Variants in LAMA2 observed in about 807,000 individuals in gnomAD.
The protein encoded by LAMA2 is laminin subunit alpha 2.
In LAMA2, 269 loss-of-function variants were observed where a neutral mutation model predicts 364.8. The ratio of observed to expected loss-of-function variants is 0.74; its 90% CI spans 0.67 to 0.82. LAMA2 has a LOEUF of 0.82. LAMA2 is among the 40% of genes least tolerant of loss of function. The pLI is 0.00. For synonymous variants in LAMA2, 1,379 were observed against 1,370.6 expected, an observed-to-expected ratio of 1.01 and a Z score of -0.14; for missense variants, 3,807 against 3,873.2, an observed-to-expected ratio of 0.98 and a Z score of 0.45.
In LAMA2 at chr6:129,370,003, A is replaced by T. The variant is rs1411824831; in HGVS notation, c.4959+13A>T. ...GCTGCTGACCAGGGTAAGGTGGCAA[A>T]ATTATGAATCTTCTGAAAGCAGATA... On this transcript the variant is annotated intron_variant, in intron 34 of 64. Coordinates refer to ENST00000421865, the MANE Select transcript of LAMA2 (RefSeq NM_000426.4). 6.2e-7 allele frequency: 1 copy of T among 1,604,784 alleles called. No homozygotes were observed. The highest frequency in any genetic ancestry group is 1.1e-5 in the South Asian group (1 of 90,870).
At chr6:128,883,723 C>A (rs1775962335) in intron 1 of LAMA2, among the ~76,000 whole-genome samples, 1 of 151,558 alleles carries the variant, frequency 6.6e-6, no homozygotes, top group Non-Finnish European at 1.5e-5. Flanking sequence ...CAGAGAAAGG[C>A]TTCCCAAGCT....
rs143906156 is a variant in LAMA2, at chr6:129,388,130, C to T, written c.5072-3361C>T. On this transcript the variant is annotated intron_variant, in intron 35 of 64. Coordinates refer to ENST00000421865, the MANE Select transcript of LAMA2 (RefSeq NM_000426.4). ...AAAATCAGCTGGGCACGGTGGCATGCGCTATAATTCCAGCTACTCGGGAGG... is the reference window on the plus strand; with the variant it reads ...AAAATCAGCTGGGCACGGTGGCATGTGCTATAATTCCAGCTACTCGGGAGG... 2.9e-3 allele frequency among the ~76,000 whole-genome samples: 436 copies of T among 151,856 alleles called. 3 individuals are homozygous for T. The highest frequency in any genetic ancestry group is 0.01 in the African/African-American group (424 of 41,450).
At chr6:129,230,028 A>T (rs1275774169) in intron 12 of LAMA2, among the ~76,000 whole-genome samples, 1 of 152,194 alleles carries the variant, frequency 6.6e-6, no homozygotes, top group Non-Finnish European at 1.5e-5. Flanking sequence ...TCATCAATCC[A>T]TATGTCATTT....
At chr6:128,986,368 G>A (rs9482967) in intron 1 of LAMA2, among the ~76,000 whole-genome samples, 43,169 of 151,904 alleles carry the variant, frequency 0.28, 6,601 homozygotes, top group African/African-American at 0.38. Flanking sequence ...ACCACAGGTC[G>A]GTAGGGCTGT....
chr6:129,446,662 T>G (rs1782403774), intron 45 of LAMA2, among the ~76,000 whole-genome samples: 1 of 151,830 alleles, frequency 6.6e-6, no homozygotes, highest in African/African-American at 2.4e-5. Flanking sequence ...TACCTCAGTT[T>G]TCCATGTCAA....
intron 4 of LAMA2, among the ~76,000 whole-genome samples, chr6:129,140,025 A>G (rs933836440): frequency 1.3e-5 from 2 of 152,154 alleles, no homozygotes; most frequent in Admixed American, 6.5e-5. Flanking sequence ...CCATCCATCC[A>G]TTCACTCAAG....
At chr6:129,330,592 G>GTTTTTTTTTTTTT (rs1406358715) in intron 29 of LAMA2, among the ~76,000 whole-genome samples, 2 of 78,528 alleles carry the variant, frequency 2.5e-5, no homozygotes, top group Non-Finnish European at 4.8e-5. Context: ...TTGTTGTTTG[G>GTTTTTTTTTTTTT]TTTTTGTTTT....
At chr6:128,929,035 A>G (rs1215636951) in intron 1 of LAMA2, 36 of 1,428,166 alleles carry the variant, frequency 2.5e-5, no homozygotes, top group Admixed American at 6.7e-5. Flanking sequence ...TCAAGAAGCC[A>G]ATGGTATCCT....
rs1455597896 is a variant in LAMA2 at position 129,300,680 on chromosome 6, G to T, written c.3038-56G>T. On this transcript the variant is annotated intron_variant, in intron 21 of 64. Coordinates refer to ENST00000421865, the MANE Select transcript of LAMA2 (RefSeq NM_000426.4). ...AACACAATATAAAACTCAACACTTT[G>T]TGTCAAATTTTTACTATTTTTCCCC... The T allele has an allele frequency of 8.9e-6, 14 of 1,573,740 alleles. No individual in the cohort carries two copies. In the South Asian group the frequency reaches 1.0e-4, roughly 11 times the overall value.
chr6:129,348,675 C>T (rs983239729), intron 30 of LAMA2, among the ~76,000 whole-genome samples: 1 of 151,854 alleles, frequency 6.6e-6, no homozygotes, highest in Non-Finnish European at 1.5e-5. Flanking sequence ...TAGAAAATAC[C>T]ATAAAATAGT....
At chr6:129,204,516 G>A (rs933006750) in intron 12 of LAMA2, among the ~76,000 whole-genome samples, 4 of 150,446 alleles carry the variant, frequency 2.7e-5, no homozygotes, top group South Asian at 2.1e-4. Context: ...TAAACACACC[G>A]ACAGGGTAAA....
chr6:128,922,611 C>T (rs1356825449), intron 1 of LAMA2, among the ~76,000 whole-genome samples: 1 of 151,748 alleles, frequency 6.6e-6, no homozygotes, highest in African/African-American at 2.4e-5. Context: ...GATATTAGCC[C>T]TTTGTCAGAT....
At chr6:128,912,931 G>T (rs1003870695) in intron 1 of LAMA2, among the ~76,000 whole-genome samples, 1 of 152,186 alleles carries the variant, frequency 6.6e-6, no homozygotes, top group Non-Finnish European at 1.5e-5. Flanking sequence ...GGAGGGAATG[G>T]TGGGCTGTGG....
chr6:128,921,697 G>GTTTTTTTTTTTTTT lies in LAMA2; in HGVS notation c.112+38343_112+38356dup, dbSNP rs547882651. Among the ~76,000 whole-genome samples the GTTTTTTTTTTTTTT allele has an allele frequency of 4.1e-3, 487 of 117,830 alleles. 10 individuals are homozygous for GTTTTTTTTTTTTTT. Among genetic ancestry groups the GTTTTTTTTTTTTTT allele is most frequent in the African/African-American group, 0.017 (447 of 26,514 alleles). 77.3% of individuals were successfully genotyped at this position (117,830 alleles called of 152,430 possible). On this transcript the variant is annotated intron_variant, in intron 1 of 64. Transcript: ENST00000421865. Reference sequence around the variant, plus strand: ...CTCCTGAACTGTGAAATGAATGTCTGTTTTTTTTTTTTTTTTATTATTATT... The same window carrying GTTTTTTTTTTTTTT: ...CTCCTGAACTGTGAAATGAATGTCTGTTTTTTTTTTTTTTTTTTTTTTTTTTTTTTATTATTATT...
At chr6:129,150,579 T>G (rs1778731908) in intron 7 of LAMA2, among the ~76,000 whole-genome samples, 2 of 152,138 alleles carry the variant, frequency 1.3e-5, no homozygotes, top group African/African-American at 4.8e-5. Flanking sequence ...TTGTTAGCAA[T>G]AGAGGTAGAC....
At chr6:129,342,532 T>C in intron 30 of LAMA2, 65 bp downstream of exon 30, 1 of 1,516,200 alleles carries the variant, frequency 6.6e-7, no homozygotes, top group Non-Finnish European at 8.9e-7. Context: ...ACATGGGCTG[T>C]CTATGATTTG....
At chr6:128,948,872 A>G (rs1166265087) in intron 1 of LAMA2, among the ~76,000 whole-genome samples, 1 of 152,164 alleles carries the variant, frequency 6.6e-6, no homozygotes, top group African/African-American at 2.4e-5. Flanking sequence ...CCAGAATCAG[A>G]TGTCTGCACC....
intron 28 of LAMA2, among the ~76,000 whole-genome samples, chr6:129,323,614 T>C (rs1478743030): frequency 6.6e-6 from 1 of 152,238 alleles, no homozygotes; most frequent in African/African-American, 2.4e-5. Flanking sequence ...TTGAGTTTGT[T>C]ATACTTTATT....
At chr6:129,104,424 A>G (rs1232492697) in intron 4 of LAMA2, among the ~76,000 whole-genome samples, 1 of 152,244 alleles carries the variant, frequency 6.6e-6, no homozygotes, top group African/African-American at 2.4e-5. Context: ...TTAATAGGAA[A>G]TAGTTTTCTT....
Sources: gnomAD v4.1 joint callset for allele counts (sites outside exome capture counted in the v4.1 genomes callset) on GRCh38, gnomAD v4.1.1 for gene constraint, MANE v1.5 for transcripts, NCBI Gene and HGNC (gene_info 2026-07-23, HGNC 2026-07-21) for gene names.